The following OLFM3 variants were observed in gnomAD, a reference collection of about 807,000 sequenced individuals.
OLFM3 encodes the protein noelin-3.
Under a neutral mutation model 48.6 loss-of-function variants are expected in OLFM3, and 20 were observed. The observed-to-expected ratio is 0.41, with a 90% CI of 0.29 to 0.60. The LOEUF is 0.60. Among genes scored for constraint, OLFM3 ranks in the 20% least tolerant of loss-of-function variants. The pLI, the probability that OLFM3 is intolerant of heterozygous loss-of-function variation, is 0.28. For synonymous variants in OLFM3, 222 were observed against 198.1 expected (o/e 1.12, Z -1.01); for missense variants, 437 against 544.3 (o/e 0.80, Z 1.96).
At chr1:101,843,852 T>C (rs1000631365) in intron 1 of OLFM3, among the ~76,000 whole-genome samples, 2 of 152,182 alleles carry the variant, frequency 1.3e-5, no homozygotes, top group African/African-American at 2.4e-5. Context: ...TCTTAAACCA[T>C]CGTATTTATG....
chr1:101,920,222 T>C (rs899907483), intron 1 of OLFM3, among the ~76,000 whole-genome samples: 2 of 152,204 alleles, frequency 1.3e-5, no homozygotes, highest in Admixed American at 6.5e-5. Context: ...TCAAATAATT[T>C]ACCTGTGCAC....
intron 1 of OLFM3, among the ~76,000 whole-genome samples, chr1:101,850,435 C>T (rs1035568855): frequency 3.9e-5 from 6 of 151,936 alleles, no homozygotes; most frequent in Admixed American, 1.3e-4. Flanking sequence ...GAGAATGACT[C>T]ATAGGTAATT....
In OLFM3 at chr1:101,868,594, C is replaced by T. The variant is rs1462972716; in HGVS notation, c.70-31569G>A. ...ACTGTCAATGTGATAAAAAAGAAAA[C>T]CCCATTTTCTAGAGAGAAATTCAAG... On this transcript the variant is annotated intron_variant, in intron 1 of 5. Transcript: ENST00000370103. Among the ~76,000 whole-genome samples, 6 of 152,124 alleles carry T rather than the reference C, an allele frequency of 3.9e-5. No homozygotes were observed. In the East Asian group the frequency reaches 9.6e-4, roughly 24 times the overall value.
At chr1:101,937,069 T>G (rs1659644136) in intron 1 of OLFM3, among the ~76,000 whole-genome samples, 1 of 152,186 alleles carries the variant, frequency 6.6e-6, no homozygotes, top group Admixed American at 6.5e-5. Context: ...GATTTCATGA[T>G]GAAGGCACCA....
At chr1:101,823,601 C>T (rs1392318319) in intron 4 of OLFM3, among the ~76,000 whole-genome samples, 4 of 151,926 alleles carry the variant, frequency 2.6e-5, no homozygotes, top group African/African-American at 9.7e-5. Flanking sequence ...GGACTGTATC[C>T]TACAACATAA....
At chr1:101,989,537 T>C (rs777966325) in intron 1 of OLFM3, among the ~76,000 whole-genome samples, 1 of 152,134 alleles carries the variant, frequency 6.6e-6, no homozygotes, top group Non-Finnish European at 1.5e-5. Flanking sequence ...TTTAAAATAA[T>C]AGTTGTTCGT....
intron 1 of OLFM3, among the ~76,000 whole-genome samples, chr1:101,955,054 T>A (rs1251789441): frequency 6.6e-6 from 1 of 152,082 alleles, no homozygotes; most frequent in Non-Finnish European, 1.5e-5. Flanking sequence ...CGAAGTATTA[T>A]GTAAAATAAA....
intron 1 of OLFM3, among the ~76,000 whole-genome samples, chr1:101,956,807 G>A (rs1045647504): frequency 6.6e-6 from 1 of 151,740 alleles, no homozygotes; most frequent in African/African-American, 2.4e-5. Context: ...TAATCTATAG[G>A]GAATGAAAGA....
chr1:101,903,125 G>C (rs1557724024), intron 1 of OLFM3, among the ~76,000 whole-genome samples: 1 of 152,058 alleles, frequency 6.6e-6, no homozygotes, highest in Non-Finnish European at 1.5e-5. Context: ...AAGCATTATA[G>C]AAGGGCAGGG....
rs188513690 is a variant in OLFM3 at position 101,927,599 on chromosome 1, A to G, written c.69+69149T>C. Among the ~76,000 whole-genome samples the G allele has an allele frequency of 3.5e-3, 528 of 151,960 alleles. 3 individuals carry two copies. The highest frequency in any genetic ancestry group is 0.012 in the African/African-American group (484 of 41,544). On this transcript the variant is annotated intron_variant, in intron 1 of 5. Transcript: ENST00000370103. ...CTTGTTCCCAAACCTCCTTACTTTA[A>G]AGCCAAGTTAATGAAATATATTAAC...
At chr1:101,815,087 G>A (rs950981850) in intron 4 of OLFM3, among the ~76,000 whole-genome samples, 6 of 152,094 alleles carry the variant, frequency 3.9e-5, no homozygotes, top group Admixed American at 3.3e-4. Flanking sequence ...ATTTTAAAGG[G>A]GGAGGGGAAT....
chr1:101,949,288 A>G (rs1660049112), intron 1 of OLFM3, among the ~76,000 whole-genome samples: 1 of 152,104 alleles, frequency 6.6e-6, no homozygotes, highest in African/African-American at 2.4e-5. Flanking sequence ...TGAATGCTGG[A>G]GTGCTTAGTT....
rs1381997813 is a variant in OLFM3, at chr1:101,825,055, G to C, written c.563C>G (p.Thr188Arg). The C allele has an allele frequency of 6.2e-7, 1 of 1,613,944 alleles. No homozygotes were observed. Among genetic ancestry groups the C allele is most frequent in the African/African-American group, 1.3e-5 (1 of 74,918 alleles). The change falls in exon 4 of 6, where the codon ACA becomes AGA. Residue 188 changes from threonine (T) to arginine (R), a missense_variant. Transcript: ENST00000370103. The stretch of plus-strand genomic sequence containing the variant: ...CTTTTTCATGCAGTCACGAAGTCTT[G>C]TTTCCAAGCTCAGCACTCTTTGGTG... The part of the protein sequence containing the change: ...ELHQRVLSLE[T>R]RLRDCMKKLT...
intron 1 of OLFM3, among the ~76,000 whole-genome samples, chr1:101,948,408 A>G (rs1477093176): frequency 1.3e-5 from 2 of 152,142 alleles, no homozygotes; most frequent in African/African-American, 2.4e-5. Flanking sequence ...AAGGAAGTAG[A>G]TGACACTGTC....
Position 101,823,086 on chromosome 1 carries a change from T to A in OLFM3, c.592+1940A>T, listed in dbSNP as rs562378819. Among the ~76,000 whole-genome samples the A allele has an allele frequency of 9.6e-4, 146 of 152,096 alleles. 2 individuals carry two copies. The highest frequency in any genetic ancestry group is 5.8e-4 in the East Asian group (3 of 5,190). ...TCCTATGACTCCTTATAGAGTAAAT[T>A]TATTCACCAGATATTTATTGAGTGA... On this transcript the variant is annotated intron_variant, in intron 4 of 5. Coordinates refer to ENST00000370103, the MANE Select transcript of OLFM3 (RefSeq NM_058170.4).
chr1:101,945,847 A>G (rs1192685103), intron 1 of OLFM3, among the ~76,000 whole-genome samples: 1 of 139,272 alleles, frequency 7.2e-6, no homozygotes, highest in Non-Finnish European at 1.5e-5. Flanking sequence ...GAAACAACAA[A>G]CACAACAGCA....
intron 1 of OLFM3, among the ~76,000 whole-genome samples, chr1:101,867,286 T>C (rs1656893621): frequency 6.6e-6 from 1 of 152,212 alleles, no homozygotes; most frequent in Non-Finnish European, 1.5e-5. Context: ...TTTGTGATCT[T>C]CTAAGACTGA....
chr1:101,843,052 A>G (rs923905806), intron 1 of OLFM3, among the ~76,000 whole-genome samples: 1 of 152,242 alleles, frequency 6.6e-6, no homozygotes, highest in African/African-American at 2.4e-5. Context: ...CAGTTAAATC[A>G]GATATCTTCA....
chr1:101,957,802 A>G (rs1268430250), intron 1 of OLFM3, among the ~76,000 whole-genome samples: 2 of 152,078 alleles, frequency 1.3e-5, no homozygotes, highest in Non-Finnish European at 2.9e-5. Flanking sequence ...CAAGCATCAG[A>G]TATCTAGCAA....
Sources: allele counts gnomAD v4.1 joint callset (sites outside exome capture counted in the v4.1 genomes callset), GRCh38; gene constraint gnomAD v4.1.1; transcripts MANE v1.5; gene names NCBI Gene and HGNC (gene_info 2026-07-23, HGNC 2026-07-21).